Variants in NCAM2 observed in about 807,000 individuals in gnomAD.
NCAM2 encodes N-CAM-2.
NCAM2 carries 30 observed loss-of-function variants against 98.1 expected under a neutral mutation model. The ratio of observed to expected loss-of-function variants is 0.31; its 90% CI spans 0.23 to 0.41. The LOEUF is 0.41. Ranked by LOEUF, NCAM2 falls within the 10% of genes least tolerant of loss-of-function variation. The probability of loss-of-function intolerance (pLI) is 1.00; values close to 1 mark genes in which losing one functional copy is unlikely to be tolerated. For synonymous variants in NCAM2, 368 were observed against 342.4 expected (o/e 1.07, Z -0.83); for missense variants, 867 against 1,005.8 (o/e 0.86, Z 1.87).
intron 17 of NCAM2, among the ~76,000 whole-genome samples, chr21:21,535,747 A>C (rs990321617): frequency 2.6e-5 from 4 of 152,134 alleles, no homozygotes; most frequent in Admixed American, 1.3e-4. Context: ...ACTAGTTAAG[A>C]ATATGCTCTT....
At chr21:21,513,487 GTGTTTC>G (rs1369336669) in intron 16 of NCAM2, among the ~76,000 whole-genome samples, 7 of 151,668 alleles carry the variant, frequency 4.6e-5, no homozygotes, top group Non-Finnish European at 8.8e-5. Flanking sequence ...TAATTTCCAT[GTGTTTC>G]TATTGTTTCC....
At chr21:21,508,007 T>C (rs1988101329) in intron 15 of NCAM2, among the ~76,000 whole-genome samples, 1 of 152,132 alleles carries the variant, frequency 6.6e-6, no homozygotes, top group African/African-American at 2.4e-5. Flanking sequence ...TAACACGTGA[T>C]TCATCTTCAT....
At chr21:21,492,762 G>C (rs181637886) in intron 15 of NCAM2, among the ~76,000 whole-genome samples, 2 of 151,726 alleles carry the variant, frequency 1.3e-5, no homozygotes, top group African/African-American at 2.4e-5. Context: ...CTTCTCTACT[G>C]ATTTCTTATT....
At chr21:21,111,261 A>G (rs1057142183) in intron 1 of NCAM2, among the ~76,000 whole-genome samples, 2 of 152,204 alleles carry the variant, frequency 1.3e-5, no homozygotes, top group African/African-American at 4.8e-5. Flanking sequence ...TTTGCTATTC[A>G]TACGTTACTT....
At chr21:21,479,208 A>G (rs1212517508) in intron 15 of NCAM2, among the ~76,000 whole-genome samples, 1 of 152,132 alleles carries the variant, frequency 6.6e-6, no homozygotes, top group East Asian at 1.9e-4. Flanking sequence ...AATTTTAATA[A>G]CATAGATAAA....
At chr21:21,478,927 A>G (rs1985500582) in intron 15 of NCAM2, among the ~76,000 whole-genome samples, 1 of 152,186 alleles carries the variant, frequency 6.6e-6, no homozygotes, top group Non-Finnish European at 1.5e-5. Flanking sequence ...TGTACTATCG[A>G]ATTCATTACC....
chr21:21,218,763 G>A lies in NCAM2; in HGVS notation c.56-61815G>A, dbSNP rs112617847. 5.2e-3 allele frequency among the ~76,000 whole-genome samples: 788 copies of A among 152,324 alleles called. 10 individuals are homozygous for A. The highest frequency in any genetic ancestry group is 0.018 in the African/African-American group (762 of 41,584). On this transcript the variant is annotated intron_variant, in intron 1 of 17. Transcript: ENST00000400546. ...TGGCACTTTAATTTTAACCTGATAA[G>A]CTGGGCGCAGTGGCTCATGCCTATA...
At chr21:21,276,063 C>A (rs2072717644) in intron 1 of NCAM2, among the ~76,000 whole-genome samples, 1 of 152,048 alleles carries the variant, frequency 6.6e-6, no homozygotes, top group Non-Finnish European at 1.5e-5. Context: ...TGCCCTTATT[C>A]TTTTCTATCC....
intron 1 of NCAM2, among the ~76,000 whole-genome samples, chr21:21,029,545 A>G (rs1436282074): frequency 4.6e-5 from 7 of 152,218 alleles, no homozygotes; most frequent in Non-Finnish European, 8.8e-5. Flanking sequence ...TCACAATAGC[A>G]TTGCCTTTCA....
intron 1 of NCAM2, among the ~76,000 whole-genome samples, chr21:21,057,719 T>A (rs546996941): frequency 6.6e-6 from 1 of 152,226 alleles, no homozygotes; most frequent in South Asian, 2.1e-4. Context: ...AAGAAAGACT[T>A]TCCTAAGGGC....
chr21:21,033,277 T>C (rs939899922), intron 1 of NCAM2, among the ~76,000 whole-genome samples: 3 of 152,172 alleles, frequency 2.0e-5, no homozygotes, highest in African/African-American at 7.2e-5. Context: ...AAGACGAACA[T>C]GTGTGCCATA....
Position 21,335,681 on chromosome 21 carries a change from T to C in NCAM2, c.898+16T>C, listed in dbSNP as rs1317476168. The C allele has an allele frequency of 6.3e-7, 1 of 1,578,338 alleles. No individual in the cohort carries two copies. The highest frequency in any genetic ancestry group is 1.4e-5 in the African/African-American group (1 of 73,194). The stretch of plus-strand genomic sequence containing the variant: ...CAAGTCTTTGGTAAGTATTATAGCA[T>C]AGTGGCTAAAACTGTTATGTCTATT... On this transcript the variant is annotated intron_variant, in intron 7 of 17. Transcript: ENST00000400546.
intron 1 of NCAM2, among the ~76,000 whole-genome samples, chr21:21,160,634 T>C (rs1004225891): frequency 3.9e-5 from 6 of 152,064 alleles, no homozygotes. Flanking sequence ...AAATCATTTC[T>C]TTATTTCTTA....
intron 10 of NCAM2, among the ~76,000 whole-genome samples, chr21:21,411,069 T>TATACAC (rs1279301831): frequency 7.6e-4 from 25 of 32,810 alleles, no homozygotes; most frequent in East Asian, 1.3e-3. Context: ...TATATATATA[T>TATACAC]ACACACACAT....
chr21:21,020,480 A>T (rs1015678278), intron 1 of NCAM2, among the ~76,000 whole-genome samples: 1 of 151,992 alleles, frequency 6.6e-6, no homozygotes, highest in Non-Finnish European at 1.5e-5. Flanking sequence ...TCTGTAACTC[A>T]CCTGTAGACC....
chr21:21,163,429 T>C (rs2067852845), intron 1 of NCAM2, among the ~76,000 whole-genome samples: 1 of 152,172 alleles, frequency 6.6e-6, no homozygotes, highest in South Asian at 2.1e-4. Flanking sequence ...TAAATATGTT[T>C]TAATTAATCA....
rs375059644 is a variant in NCAM2 at position 21,284,324 on chromosome 21, T to G, written c.261T>G (p.Asp87Glu). The G allele has an allele frequency of 6.2e-7, 1 of 1,612,684 alleles. No individual in the cohort carries two copies. Among genetic ancestry groups the G allele is most frequent in the African/African-American group, 1.3e-5 (1 of 74,828 alleles). Residue 87 changes from aspartate (D) to glutamate (E), a missense_variant, in exon 3 of 18, where the codon GAT becomes GAG. By Grantham distance (45) the Asp-to-Glu change is conservative. Coordinates refer to ENST00000400546, the MANE Select transcript of NCAM2 (RefSeq NM_004540.5). ...CCATCTACAATGCAAATATAGAAGA[T>G]GCAGGGATATATCGTTGTCAAGCAA... ...RLTIYNANIE[D>E]AGIYRCQATD...
intron 1 of NCAM2, among the ~76,000 whole-genome samples, chr21:21,035,784 T>G (rs943909784): frequency 2.0e-5 from 3 of 152,180 alleles, no homozygotes; most frequent in African/African-American, 7.2e-5. Flanking sequence ...ACTTTAGGAT[T>G]TGCAAAGAGC....
chr21:21,261,747 CATCAAAATGA>C, intron 1 of NCAM2, among the ~76,000 whole-genome samples: 1 of 152,050 alleles, frequency 6.6e-6, no homozygotes, highest in Admixed American at 6.6e-5. Context: ...TAAATGCCTA[CATCAAAATGA>C]TAGAAAGATC....
Sources: gnomAD v4.1 joint callset for allele counts (sites outside exome capture counted in the v4.1 genomes callset) on GRCh38, gnomAD v4.1.1 for gene constraint, MANE v1.5 for transcripts, NCBI Gene and HGNC (gene_info 2026-07-23, HGNC 2026-07-21) for gene names.